The following TDRD1 variants were observed in gnomAD, a reference collection of about 807,000 sequenced individuals.
TDRD1 encodes the protein tudor domain containing 1, also known as tudor domain-containing protein 1.
In TDRD1, 37 loss-of-function variants were observed where a neutral mutation model predicts 140.6. The ratio of observed to expected loss-of-function variants is 0.26; its 90% confidence interval spans 0.20 to 0.35. The LOEUF (loss-of-function observed/expected upper bound fraction) is 0.35, where lower values mean the gene tolerates loss of function less well. Ranked by LOEUF, TDRD1 falls within the 10% of genes least tolerant of loss-of-function variation. The pLI, the probability that TDRD1 is intolerant of heterozygous loss-of-function variation, is 1.00. For missense variants in TDRD1, 1,243 were observed against 1,393.0 expected, an observed-to-expected ratio of 0.89 and a Z score of 1.71; for synonymous variants, 506 against 475.7, an observed-to-expected ratio of 1.06 and a Z score of -0.83.
chr10:114,213,129 A>ATCGGCC (rs1169524095), intron 14 of TDRD1, among the ~76,000 whole-genome samples: 1 of 152,142 alleles, frequency 6.6e-6, no homozygotes, highest in African/African-American at 2.4e-5. Flanking sequence ...CTGGTCTCAA[A>ATCGGCC]TCGGCCTCGG....
At chr10:114,177,828 CTTTTTCTTTTTT>C (rs1263209886), upstream of TDRD1, among the ~76,000 whole-genome samples, 1 of 143,778 alleles carries the variant, frequency 7.0e-6, no homozygotes, top group East Asian at 2.0e-4. Flanking sequence ...TTCTTTCTTT[CTTTTTCTTTTTT>C]TTTTTTTTTT....
chr10:114,193,903 A>G (rs908636994), intron 3 of TDRD1, among the ~76,000 whole-genome samples: 2 of 152,080 alleles, frequency 1.3e-5, no homozygotes, highest in Admixed American at 6.5e-5. Context: ...GATCCTTTTT[A>G]TCATAAGTAG....
chr10:114,226,290 A>G, intron 22 of TDRD1, 74 bp downstream of exon 22: 1 of 1,072,968 alleles, frequency 9.3e-7, no homozygotes, highest in Non-Finnish European at 1.3e-6. Context: ...CATAGCTCTA[A>G]GTCGGAATCA....
upstream of TDRD1, among the ~76,000 whole-genome samples, chr10:114,176,427 G>A (rs1334485161): frequency 2.6e-5 from 4 of 152,078 alleles, no homozygotes; most frequent in Admixed American, 2.0e-4. The surrounding 1 kb of genome is among the most constrained non-coding windows in gnomAD (Gnocchi z 4.2). Flanking sequence ...ACATATCAAC[G>A]ATTTAAGATA....
chr10:114,177,305 A>G (rs1174834217), upstream of TDRD1, among the ~76,000 whole-genome samples: 1 of 152,206 alleles, frequency 6.6e-6, no homozygotes, highest in African/African-American at 2.4e-5. Flanking sequence ...AAAAGAATAT[A>G]GTAGAAAGAC....
intron 25 of TDRD1, among the ~76,000 whole-genome samples, chr10:114,229,051 A>G (rs2133225885): frequency 6.6e-6 from 1 of 152,010 alleles, no homozygotes; most frequent in East Asian, 1.9e-4. Flanking sequence ...ATTATACTCC[A>G]GCCTGGGTGA....
Position 114,220,663 on chromosome 10 carries a change from G to C in TDRD1, c.2590G>C (p.Val864Leu), listed in dbSNP as rs7914059. 4,457 of 1,613,852 alleles carry C rather than the reference G, an allele frequency of 2.8e-3. 18 individuals carry two copies. The highest frequency in any genetic ancestry group is 0.014 in the Middle Eastern group (82 of 6,058). Residue 864 changes from valine to leucine, a missense_variant, in exon 19 of 26, where the codon GTC (valine) becomes CTC (leucine). Val to Leu is a conservative substitution (Grantham distance 32). This residue lies in a region of TDRD1 where 601 missense variants were observed against 734.7 expected (regional missense o/e 0.82). Transcript: ENST00000251864. ...AAAATTGCAAGCCAGAGTGGTTGAA[G>C]TCACTGAAAATGGGATAGGAGTTGA...
At chr10:114,194,336 T>G (rs2034190475) in intron 3 of TDRD1, among the ~76,000 whole-genome samples, 1 of 152,194 alleles carries the variant, frequency 6.6e-6, no homozygotes. Context: ...GAGATTTCTT[T>G]TGGGGGAGTT....
At position 114,202,218 on chromosome 10, in the gene TDRD1, A is replaced by T. The variant is rs755297908; in HGVS notation, c.636-20A>T. 3.1e-6 allele frequency: 5 copies of T among 1,588,536 alleles called. No individual in the cohort carries two copies. Among genetic ancestry groups the T allele is most frequent in the Admixed American group, 1.7e-5 (1 of 57,618 alleles). On this transcript the variant is annotated intron_variant, in intron 5 of 25. Transcript: ENST00000251864. ...ATTGCCTCTGTAGTATAAATATTGT[A>T]ATCTGTTGCTTTATTGCAGTTTCCA...
intron 4 of TDRD1, among the ~76,000 whole-genome samples, chr10:114,199,923 C>A (rs1211978361): frequency 6.6e-6 from 1 of 152,172 alleles, no homozygotes; most frequent in East Asian, 1.9e-4. Flanking sequence ...CATTTCTGTA[C>A]AAGTGTTCGT....
chr10:114,204,266 T>C lies in TDRD1; in HGVS notation c.1125+50T>C, dbSNP rs201254562. On this transcript the variant is annotated intron_variant, in intron 9 of 25. Coordinates refer to ENST00000251864, the Ensembl canonical transcript of TDRD1. ...TTTTAATAGTGTCCCAAAGGAGCTGTTGTCAATGTTTTGATGGGCACAGTG... is the reference window on the plus strand; with the variant it reads ...TTTTAATAGTGTCCCAAAGGAGCTGCTGTCAATGTTTTGATGGGCACAGTG... 2.7e-5 allele frequency: 42 copies of C among 1,535,450 alleles called. No individual in the cohort carries two copies. In the Admixed American group the frequency reaches 2.8e-4, roughly 10 times the overall value.
intron 16 of TDRD1, among the ~76,000 whole-genome samples, chr10:114,214,962 C>T (rs1389193822): frequency 1.3e-5 from 2 of 152,018 alleles, no homozygotes; most frequent in Non-Finnish European, 2.9e-5. Flanking sequence ...AGGATGGTCT[C>T]GATCTCCTGA....
intron 3 of TDRD1, 29 bp from the exon 4 acceptor site, chr10:114,199,144 C>A (rs375483471): frequency 6.3e-6 from 10 of 1,595,128 alleles, no homozygotes; most frequent in Middle Eastern, 1.7e-4. Context: ...TTGCCAAATT[C>A]TAACATTGCT....
intron 11 of TDRD1, among the ~76,000 whole-genome samples, chr10:114,207,098 G>A (rs1275296526): frequency 1.3e-5 from 2 of 152,210 alleles, no homozygotes; most frequent in Non-Finnish European, 2.9e-5. Flanking sequence ...AAGAAATTTT[G>A]CTTTCAGCAT....
At chr10:114,213,902 C>T (rs917491347) in intron 15 of TDRD1, 75 bp from the exon 16 acceptor site, 104 of 1,366,618 alleles carry the variant, frequency 7.6e-5, no homozygotes, top group Middle Eastern at 1.8e-4. Context: ...TCTTCAAAAG[C>T]GGGTTCCTCA....
chr10:114,204,129 CTT>C lies in TDRD1; in HGVS notation c.1039_1040del (p.Leu347IlefsTer3). On this transcript the variant is annotated frameshift_variant, in exon 9 of 26. Transcript: ENST00000251864. LOFTEE classifies it high-confidence loss of function. The stretch of plus-strand genomic sequence containing the variant: ...ATGTGCAGCAAAAGAAGGCACATGT[CTT>C]ATATATTGATTATGGAAATGAAGAA... 6.2e-7 allele frequency: 1 copy of C among 1,604,740 alleles called. No individual in the cohort carries two copies. The highest frequency in any genetic ancestry group is 8.5e-7 in the Non-Finnish European group (1 of 1,177,866).
Position 114,203,495 on chromosome 10 carries a change from T to C in TDRD1, c.909T>C (p.Tyr303=), listed in dbSNP as rs199706683. The C allele has an allele frequency of 8.7e-5, 140 of 1,613,936 alleles. 2 individuals carry two copies. In the South Asian group the frequency reaches 1.5e-3, roughly 17 times the overall value. ...TCTCTGCCAGCTTAAAAGAAACATATGCAAATGTGCATGAAAAAGACTATA... is the reference window on the plus strand; with the variant it reads ...TCTCTGCCAGCTTAAAAGAAACATACGCAAATGTGCATGAAAAAGACTATA... Residue 303 remains tyrosine (Y), a synonymous_variant, in exon 8 of 26, where the codon TAT becomes TAC. Coordinates refer to ENST00000251864, the Ensembl canonical transcript of TDRD1.
Position 114,203,392 on chromosome 10 carries a change from C to T in TDRD1, c.806C>T (p.Thr269Met), listed in dbSNP as rs369155631. 96 of 1,592,996 alleles carry T rather than the reference C, an allele frequency of 6.0e-5. No homozygotes were observed. In the African/African-American group the frequency reaches 8.3e-4, roughly 14 times the overall value. Reference sequence around the variant, plus strand: ...CTTTTTTTTTATCTTTGAAAGGGTACGGTTACCGAATTCAAACACCCAGGG... The same window carrying T: ...CTTTTTTTTTATCTTTGAAAGGGTATGGTTACCGAATTCAAACACCCAGGG... The change falls in exon 8 of 26, where the codon ACG becomes ATG. Residue 269 changes from threonine to methionine, a missense_variant. By Grantham distance (81) the Thr-to-Met change is moderately conservative (BLOSUM62 -1). This residue lies in a region of TDRD1 where 392 missense variants were observed against 394.1 expected (regional missense o/e 0.99). Coordinates refer to ENST00000251864, the Ensembl canonical transcript of TDRD1.
In TDRD1 at chr10:114,210,318, A is replaced by G. The variant is rs549923117; in HGVS notation, c.1385-263A>G. Among the ~76,000 whole-genome samples the G allele has an allele frequency of 3.9e-5, 6 of 152,252 alleles. No individual in the cohort carries two copies. The East Asian group carries it at 1.2e-3, about 29-fold the overall frequency. On this transcript the variant is annotated intron_variant, in intron 11 of 25. Transcript: ENST00000251864. ...TTAGGGACTATAAAGAGTGTATTAT[A>G]GAGTGTTTTAATTAGATCTGAACTT...
Sources: allele counts gnomAD v4.1 joint callset (sites outside exome capture counted in the v4.1 genomes callset), GRCh38; gene constraint gnomAD v4.1.1; regional missense constraint gnomAD v4.1.1; non-coding constraint Gnocchi (gnomAD v3.1); transcripts MANE v1.5; gene names NCBI Gene and HGNC (gene_info 2026-07-23, HGNC 2026-07-21).